SHROOM3: variants seen among roughly 807,000 people sequenced by gnomAD.
SHROOM3 encodes the protein protein Shroom3.
SHROOM3 carries 47 observed loss-of-function variants against 138.6 expected under a neutral mutation model. The ratio of observed to expected loss-of-function variants is 0.34; its 90% CI spans 0.27 to 0.43. The LOEUF (loss-of-function observed/expected upper bound fraction) is 0.43. Among genes scored for constraint, SHROOM3 ranks in the 20% least tolerant of loss-of-function variants. The probability of loss-of-function intolerance (pLI) is 1.00; values close to 1 mark genes in which losing one functional copy is unlikely to be tolerated. For missense variants in SHROOM3, 2,491 were observed against 2,596.5 expected (o/e 0.96, Z 0.88); for synonymous variants, 1,062 against 1,063.3 (o/e 1.00, Z 0.02).
At chr4:76,753,621 A>G (rs1721703946) in intron 6 of SHROOM3, among the ~76,000 whole-genome samples, 2 of 152,240 alleles carry the variant, frequency 1.3e-5, no homozygotes, top group Non-Finnish European at 2.9e-5. Flanking sequence ...CACAATAACA[A>G]AAGTTTTGCG....
chr4:76,689,518 A>G, intron 2 of SHROOM3: 1 of 983,376 alleles, frequency 1.0e-6, no homozygotes, highest in Non-Finnish European at 1.2e-6. Context: ...CCCACCGTGC[A>G]GCTGTAGCCG....
chr4:76,497,442 A>G (rs1294657271), intron 1 of SHROOM3, among the ~76,000 whole-genome samples: 1 of 152,268 alleles, frequency 6.6e-6, no homozygotes, highest in African/African-American at 2.4e-5. Context: ...AATAAAATAG[A>G]AAAATAAAAA....
rs1280416431 is a variant in SHROOM3 at position 76,441,201 on chromosome 4, TC to T, written c.168+4982del. Among the ~76,000 whole-genome samples the T allele has an allele frequency of 8.2e-5, 12 of 147,006 alleles. No homozygotes were observed. The South Asian group carries it at 9.0e-4, about 11-fold the overall frequency. ...GCTCCGCCTCCTGGGTTCACGCCATTCTCCTGCCTCAGACTCCCAAGTAGCT... is the reference window on the plus strand; with the variant it reads ...GCTCCGCCTCCTGGGTTCACGCCATTTCCTGCCTCAGACTCCCAAGTAGCT... On this transcript the variant is annotated intron_variant, in intron 1 of 10. Transcript: ENST00000296043.
chr4:76,635,386 G>A (rs1259562473), intron 2 of SHROOM3, among the ~76,000 whole-genome samples: 3 of 152,098 alleles, frequency 2.0e-5, no homozygotes. Flanking sequence ...TTCGTTTTGG[G>A]ACCTGACATG....
chr4:76,733,252 A>G (rs1180369759), intron 4 of SHROOM3, among the ~76,000 whole-genome samples: 3 of 152,206 alleles, frequency 2.0e-5, no homozygotes, highest in Non-Finnish European at 4.4e-5. Flanking sequence ...CGTCAGCACC[A>G]GAAGTACAGT....
intron 2 of SHROOM3, among the ~76,000 whole-genome samples, chr4:76,622,823 G>T (rs1023984007): frequency 6.6e-6 from 1 of 152,068 alleles, no homozygotes; most frequent in African/African-American, 2.4e-5. Flanking sequence ...TTTCTTCTCA[G>T]GTTTATAGCT....
chr4:76,503,455 G>T (rs1579198646), intron 1 of SHROOM3, among the ~76,000 whole-genome samples: 2 of 151,904 alleles, frequency 1.3e-5, no homozygotes, highest in South Asian at 4.2e-4. Context: ...TTGAGACAGG[G>T]TCTTACTTTG....
At chr4:76,633,959 T>C (rs996832286) in intron 2 of SHROOM3, among the ~76,000 whole-genome samples, 3 of 152,178 alleles carry the variant, frequency 2.0e-5, no homozygotes, top group East Asian at 1.9e-4. Context: ...GATGTTATAA[T>C]GCATTGAGCT....
chr4:76,740,576 C>A lies in SHROOM3; in HGVS notation c.2403C>A (p.Gly801=). Residue 801 remains glycine, a synonymous_variant, in exon 5 of 11, where the codon GGC becomes GGA. Coordinates refer to ENST00000296043, the MANE Select transcript of SHROOM3 (RefSeq NM_020859.4). The surrounding 1 kb of genome is among the most constrained non-coding windows in gnomAD (Gnocchi z 4.0). ...REQGSQRPSV[G]GSGFGHNYRP... ...AAGGGAGCCAGAGACCGAGTGTGGG[C>A]GGCTCTGGTTTTGGCCATAACTATA... 1 of 1,614,092 alleles carries A rather than the reference C, an allele frequency of 6.2e-7. No homozygotes were observed. Among genetic ancestry groups the A allele is most frequent in the Non-Finnish European group, 8.5e-7 (1 of 1,180,010 alleles).
At chr4:76,746,054 C>A (rs532018931) in intron 5 of SHROOM3, among the ~76,000 whole-genome samples, 74 of 152,244 alleles carry the variant, frequency 4.9e-4, no homozygotes, top group African/African-American at 1.8e-3. Context: ...CTCTAAGTTA[C>A]AGAAGAAGGA....
intron 2 of SHROOM3, among the ~76,000 whole-genome samples, chr4:76,703,887 G>T (rs1719972273): frequency 6.6e-6 from 1 of 152,162 alleles, no homozygotes; most frequent in African/African-American, 2.4e-5. Context: ...AAAGCATTCT[G>T]ATTGCCTCCA....
At chr4:76,442,452 C>T (rs1020186044) in intron 1 of SHROOM3, among the ~76,000 whole-genome samples, 1 of 146,046 alleles carries the variant, frequency 6.8e-6, no homozygotes, top group Non-Finnish European at 1.5e-5. Context: ...CTCTGTCGCC[C>T]AGGCTGGAGT....
In SHROOM3 at chr4:76,471,712, T is replaced by TA. The variant is rs988167194; in HGVS notation, c.168+35500dup. ...TAAGAATGGGCCCAACATCTAACAATAAAAAAAATGGGTTACCTTAAACAC... is the reference window on the plus strand; with the variant it reads ...TAAGAATGGGCCCAACATCTAACAATAAAAAAAAATGGGTTACCTTAAACAC... On this transcript the variant is annotated intron_variant, in intron 1 of 10. Transcript: ENST00000296043. 2.6e-5 allele frequency among the ~76,000 whole-genome samples: 4 copies of TA among 152,004 alleles called. No individual in the cohort carries two copies. In the East Asian group the frequency reaches 5.8e-4, roughly 22 times the overall value.
intron 1 of SHROOM3, among the ~76,000 whole-genome samples, chr4:76,484,531 A>G (rs913502991): frequency 1.3e-5 from 2 of 152,142 alleles, no homozygotes; most frequent in Admixed American, 1.3e-4. Context: ...TGGTTTCACC[A>G]CTGCACTCTA....
chr4:76,640,426 G>A (rs1292851357), intron 2 of SHROOM3, among the ~76,000 whole-genome samples: 2 of 152,170 alleles, frequency 1.3e-5, no homozygotes, highest in Non-Finnish European at 2.9e-5. Context: ...TTGATTAGCA[G>A]CCAGCCACAG....
At chr4:76,551,680 G>T (rs573195629) in intron 1 of SHROOM3, among the ~76,000 whole-genome samples, 2 of 152,206 alleles carry the variant, frequency 1.3e-5, no homozygotes, top group South Asian at 4.2e-4. Context: ...GTCCAAGGTG[G>T]GGAGGGGTGG....
rs757567879 is a variant in SHROOM3 at position 76,740,648 on chromosome 4, C to T, written c.2475C>T (p.Phe825=). The change falls in exon 5 of 11, where the codon TTC becomes TTT. Residue 825 remains phenylalanine, a synonymous_variant. Coordinates refer to ENST00000296043, the MANE Select transcript of SHROOM3 (RefSeq NM_020859.4). This position sits in a 1 kb window ranked among gnomAD's most constrained non-coding sequence, Gnocchi z 4.0. ...CTTCCAGTACTTCTGGGAATGACTT[C>T]GAGGAGACAAAAGCACACATTCGTT... The part of the protein sequence containing the change: ...VSTSSTSGND[F]EETKAHIRFS... 6.8e-6 allele frequency: 11 copies of T among 1,614,154 alleles called. No homozygotes were observed. Among genetic ancestry groups the T allele is most frequent in the South Asian group, 3.3e-5 (3 of 91,076 alleles).
At chr4:76,662,861 A>G (rs1718574025) in intron 2 of SHROOM3, among the ~76,000 whole-genome samples, 1 of 152,000 alleles carries the variant, frequency 6.6e-6, no homozygotes, top group African/African-American at 2.4e-5. Context: ...CAGCCTGGGC[A>G]ACAAAGCAAG....
intron 1 of SHROOM3, among the ~76,000 whole-genome samples, chr4:76,494,477 G>A (rs951907974): frequency 1.3e-5 from 2 of 152,168 alleles, no homozygotes; most frequent in Non-Finnish European, 2.9e-5. Context: ...CCCATGAAGC[G>A]AGAGGACTGC....
Sources: gnomAD v4.1 joint callset for allele counts (sites outside exome capture counted in the v4.1 genomes callset) on GRCh38, gnomAD v4.1.1 for gene constraint, Gnocchi (gnomAD v3.1) non-coding constraint, MANE v1.5 for transcripts, NCBI Gene and HGNC (gene_info 2026-07-23, HGNC 2026-07-21) for gene names.